MANBAL: variants seen among roughly 807,000 people sequenced by gnomAD.
The protein encoded by MANBAL is mannosidase beta like, also known as protein MANBAL.
Under a neutral mutation model 6.4 loss-of-function variants are expected in MANBAL, and 1 was observed. The ratio of observed to expected loss-of-function variants is 0.16; its 90% CI spans 0.06 to 0.74. The LOEUF (loss-of-function observed/expected upper bound fraction) is 0.74. Ranked by LOEUF, MANBAL falls within the 30% of genes least tolerant of loss-of-function variation. MANBAL has a pLI of 0.78. For synonymous variants in MANBAL, 47 were observed against 45.8 expected, an observed-to-expected ratio of 1.03 and a Z score of -0.10; for missense variants, 100 against 107.8, an observed-to-expected ratio of 0.93 and a Z score of 0.32.
intron 2 of MANBAL, among the ~76,000 whole-genome samples, chr20:37,310,031 G>T (rs1014297242): frequency 6.6e-6 from 1 of 152,138 alleles, no homozygotes; most frequent in Non-Finnish European, 1.5e-5. Context: ...GATGTGTACC[G>T]ACCGGTTCTT....
intron 1 of MANBAL, among the ~76,000 whole-genome samples, chr20:37,294,265 G>A (rs1199755554): frequency 6.6e-6 from 1 of 152,148 alleles, no homozygotes; most frequent in African/African-American, 2.4e-5. Context: ...CAGCATTCCT[G>A]TTGGCCTTCA....
intron 2 of MANBAL, among the ~76,000 whole-genome samples, chr20:37,315,817 A>G (rs2069499970): frequency 6.6e-6 from 1 of 152,216 alleles, no homozygotes; most frequent in East Asian, 1.9e-4. Context: ...GAGGAGGGCA[A>G]GCCACAGTGG....
chr20:37,308,808 A>T (rs952819422), intron 2 of MANBAL, among the ~76,000 whole-genome samples: 16 of 152,200 alleles, frequency 1.1e-4, no homozygotes, highest in African/African-American at 3.9e-4. Flanking sequence ...AAGTGGGTGT[A>T]GACTTTGAGT....
chr20:37,299,954 G>A (rs760240292), intron 1 of MANBAL, among the ~76,000 whole-genome samples: 12 of 152,128 alleles, frequency 7.9e-5, no homozygotes, highest in Non-Finnish European at 1.5e-4. Flanking sequence ...CTGGAGAGCT[G>A]GGCTGAGGCT....
At position 37,307,048 on chromosome 20, in the gene MANBAL, C is replaced by T. The variant is rs193173415; in HGVS notation, c.150+5635C>T. 2.4e-3 allele frequency among the ~76,000 whole-genome samples: 363 copies of T among 152,286 alleles called. 3 individuals are homozygous for T. The highest frequency in any genetic ancestry group is 8.4e-3 in the African/African-American group (347 of 41,552). ...GCACAATCGTAGCTCACTGCAGTCT[C>T]GACCTGGACTCAAGTGATCCTCCCG... On this transcript the variant is annotated intron_variant, in intron 2 of 2. Coordinates refer to ENST00000373606, the MANE Select transcript of MANBAL (RefSeq NM_001003897.2).
chr20:37,296,418 G>C (rs1348639569), intron 1 of MANBAL, among the ~76,000 whole-genome samples: 2 of 152,092 alleles, frequency 1.3e-5, no homozygotes, highest in African/African-American at 2.4e-5. Flanking sequence ...CATGAAATCA[G>C]CTTATAGATG....
At chr20:37,306,322 C>T (rs753338288) in intron 2 of MANBAL, among the ~76,000 whole-genome samples, 8 of 152,058 alleles carry the variant, frequency 5.3e-5, no homozygotes, top group African/African-American at 9.7e-5. Flanking sequence ...TCTAGTAAGC[C>T]GATTTTTTGC....
chr20:37,297,883 G>A (rs1416056265), intron 1 of MANBAL, among the ~76,000 whole-genome samples: 3 of 152,176 alleles, frequency 2.0e-5, no homozygotes, highest in Non-Finnish European at 2.9e-5. Flanking sequence ...GACCTCAGGT[G>A]ATCTGCCCAC....
chr20:37,313,187 G>T (rs1044351235), intron 2 of MANBAL, among the ~76,000 whole-genome samples: 1 of 150,478 alleles, frequency 6.6e-6, no homozygotes, highest in African/African-American at 2.4e-5. Flanking sequence ...GACCATCTTG[G>T]CTAACATGGT....
intron 2 of MANBAL, among the ~76,000 whole-genome samples, chr20:37,310,195 C>T (rs750859444): frequency 1.1e-4 from 16 of 152,234 alleles, no homozygotes; most frequent in Non-Finnish European, 1.9e-4. Flanking sequence ...CTCCGTGTCT[C>T]CGTTTGCCTT....
chr20:37,301,548 C>T (rs2069136761), intron 2 of MANBAL, 135 bp downstream of exon 2: 10 of 996,948 alleles, frequency 1.0e-5, no homozygotes, highest in Non-Finnish European at 1.4e-5. Context: ...TCTGAATTTC[C>T]ACCTGGTGGG....
intron 1 of MANBAL, among the ~76,000 whole-genome samples, chr20:37,290,227 TA>T (rs2068834962): frequency 6.6e-6 from 1 of 152,256 alleles, no homozygotes; most frequent in African/African-American, 2.4e-5. Context: ...GAAACATTTT[TA>T]AAATGGTGAC....
At chr20:37,302,177 A>G in intron 2 of MANBAL, 1 of 1,493,016 alleles carries the variant, frequency 6.7e-7, no homozygotes, top group South Asian at 1.2e-5. Flanking sequence ...TGGAGAAAGC[A>G]GGTCGTTTGT....
chr20:37,306,781 G>A (rs1374888491), intron 2 of MANBAL, among the ~76,000 whole-genome samples: 1 of 152,206 alleles, frequency 6.6e-6, no homozygotes, highest in Non-Finnish European at 1.5e-5. Flanking sequence ...CTGGAGGAAA[G>A]AAATTGATCA....
intron 1 of MANBAL, among the ~76,000 whole-genome samples, chr20:37,290,511 G>A (rs2068842662): frequency 6.6e-6 from 1 of 151,892 alleles, no homozygotes. Flanking sequence ...CACGCTGAAG[G>A]GCAGTGGCGG....
At chr20:37,300,471 G>A (rs886842003) in intron 1 of MANBAL, among the ~76,000 whole-genome samples, 2 of 152,202 alleles carry the variant, frequency 1.3e-5, no homozygotes, top group East Asian at 3.9e-4. Context: ...ATCACATCTC[G>A]ACGTGTTCAT....
intron 1 of MANBAL, among the ~76,000 whole-genome samples, chr20:37,294,024 C>T (rs543478739): frequency 1.3e-5 from 2 of 152,224 alleles, no homozygotes; most frequent in Non-Finnish European, 2.9e-5. Flanking sequence ...CGGGCTCAAG[C>T]AATCCTCCTG....
intron 1 of MANBAL, among the ~76,000 whole-genome samples, chr20:37,300,823 G>GGTGT (rs150974369): frequency 2.0e-5 from 3 of 151,524 alleles, no homozygotes; most frequent in South Asian, 4.2e-4. Context: ...TATATTCTTG[G>GGTGT]GTGTGTGTGT....
At chr20:37,289,808 C>A (rs557669915) in intron 1 of MANBAL, 122 bp downstream of exon 1, 3 of 152,254 alleles carry the variant, frequency 2.0e-5, no homozygotes, top group African/African-American at 7.2e-5. Flanking sequence ...GCTGTCGCTC[C>A]GCTCAGGGCC....
Sources: allele counts gnomAD v4.1 joint callset (sites outside exome capture counted in the v4.1 genomes callset), GRCh38; gene constraint gnomAD v4.1.1; transcripts MANE v1.5; gene names NCBI Gene and HGNC (gene_info 2026-07-23, HGNC 2026-07-21).